Variants in GRID2 observed in about 807,000 individuals in gnomAD.
GRID2 encodes the protein glutamate receptor ionotropic, delta-2.
Under a neutral mutation model 114.8 loss-of-function variants are expected in GRID2, and 33 were observed. The ratio of observed to expected loss-of-function variants is 0.29; its 90% CI spans 0.22 to 0.38. The LOEUF (loss-of-function observed/expected upper bound fraction) is 0.38, where lower values mean the gene tolerates loss of function less well. GRID2 is among the 10% of genes least tolerant of loss of function. The pLI is 1.00. For synonymous variants in GRID2, 505 were observed against 449.9 expected, an observed-to-expected ratio of 1.12 and a Z score of -1.55; for missense variants, 1,184 against 1,257.7, an observed-to-expected ratio of 0.94 and a Z score of 0.89.
intron 2 of GRID2, among the ~76,000 whole-genome samples, chr4:92,704,884 C>T (rs1734884030): frequency 6.6e-6 from 1 of 151,132 alleles, no homozygotes; most frequent in Non-Finnish European, 1.5e-5. Context: ...TGACAAGTGG[C>T]TATTAGATTC....
In GRID2 at chr4:92,871,461, A is replaced by G. The variant is rs140036946; in HGVS notation, c.245-213534A>G. On this transcript the variant is annotated intron_variant, in intron 2 of 15. Transcript: ENST00000282020. ...TGATGCAATTATTATTCTATTAAAT[A>G]CAGTTGAGTTAATTGATTACAATTT... 4.9e-4 allele frequency among the ~76,000 whole-genome samples: 74 copies of G among 152,294 alleles called. 2 individuals carry two copies. The East Asian group carries it at 8.3e-3, about 17-fold the overall frequency.
chr4:93,594,396 A>G (rs558786318), intron 13 of GRID2, among the ~76,000 whole-genome samples: 3 of 152,304 alleles, frequency 2.0e-5, no homozygotes, highest in Non-Finnish European at 4.4e-5. Flanking sequence ...CCACTTGAGG[A>G]GGCAGTCCGC....
At chr4:92,660,409 G>C (rs779211911) in intron 2 of GRID2, among the ~76,000 whole-genome samples, 2 of 151,214 alleles carry the variant, frequency 1.3e-5, no homozygotes, top group Admixed American at 6.6e-5. Context: ...ACTAAGAGAA[G>C]GTTCAAGTTT....
intron 1 of GRID2, among the ~76,000 whole-genome samples, chr4:92,483,839 G>A (rs1477081340): frequency 6.6e-6 from 1 of 152,152 alleles, no homozygotes; most frequent in African/African-American, 2.4e-5. Context: ...GTAGCAGAAT[G>A]CCCCTGTTGG....
intron 10 of GRID2, among the ~76,000 whole-genome samples, chr4:93,440,664 T>C (rs1340093057): frequency 2.0e-5 from 3 of 152,120 alleles, no homozygotes; most frequent in Admixed American, 6.6e-5. Context: ...AAATATTTGT[T>C]GTTGATAAGG....
At chr4:92,960,329 G>C (rs1221745907) in intron 2 of GRID2, among the ~76,000 whole-genome samples, 1 of 151,978 alleles carries the variant, frequency 6.6e-6, no homozygotes, top group African/African-American at 2.4e-5. Flanking sequence ...TTTCCTGCCT[G>C]TTGGACCTGT....
At chr4:92,871,143 C>G (rs1471023385) in intron 2 of GRID2, among the ~76,000 whole-genome samples, 1 of 152,048 alleles carries the variant, frequency 6.6e-6, no homozygotes, top group Non-Finnish European at 1.5e-5. Flanking sequence ...AACAAAAAGT[C>G]TTCTCTCCTG....
chr4:93,377,074 G>C (rs1034754654), intron 8 of GRID2, among the ~76,000 whole-genome samples: 1 of 152,090 alleles, frequency 6.6e-6, no homozygotes, highest in Non-Finnish European at 1.5e-5. Context: ...ATATATACCA[G>C]AATAGAAATA....
intron 1 of GRID2, among the ~76,000 whole-genome samples, chr4:92,455,848 A>C (rs1276443277): frequency 1.3e-5 from 2 of 152,216 alleles, no homozygotes; most frequent in Admixed American, 6.5e-5. Flanking sequence ...AGTAAATTGT[A>C]TGATCTTATT....
At chr4:93,045,539 T>A (rs902890271) in intron 2 of GRID2, among the ~76,000 whole-genome samples, 2 of 152,166 alleles carry the variant, frequency 1.3e-5, no homozygotes, top group African/African-American at 4.8e-5. Context: ...GAAAGAAATA[T>A]TGCCATGAAA....
chr4:92,956,890 T>C (rs536536489), intron 2 of GRID2, among the ~76,000 whole-genome samples: 2 of 152,310 alleles, frequency 1.3e-5, no homozygotes, highest in East Asian at 3.9e-4. Context: ...TTAATTTTAA[T>C]TTGCATTTCC....
At chr4:92,744,126 G>C (rs1055296705) in intron 2 of GRID2, among the ~76,000 whole-genome samples, 29 of 152,174 alleles carry the variant, frequency 1.9e-4, no homozygotes, top group Non-Finnish European at 4.3e-4. Flanking sequence ...TGTTTACCCT[G>C]TGTATTTCCA....
At chr4:92,478,187 G>A (rs964130194) in intron 1 of GRID2, among the ~76,000 whole-genome samples, 4 of 151,454 alleles carry the variant, frequency 2.6e-5, no homozygotes, top group East Asian at 1.9e-4. Flanking sequence ...TTTTCCTCTA[G>A]TGCTCTCCCT....
At chr4:92,913,804 A>T (rs1748571370) in intron 2 of GRID2, among the ~76,000 whole-genome samples, 2 of 151,848 alleles carry the variant, frequency 1.3e-5, no homozygotes, top group Admixed American at 1.3e-4. Flanking sequence ...AGTATACCAG[A>T]GACAATAAAT....
In GRID2 at chr4:92,940,661, T is replaced by A. The variant is rs1751044575; in HGVS notation, c.245-144334T>A. Among the ~76,000 whole-genome samples, 3 of 152,254 alleles carry A rather than the reference T, an allele frequency of 2.0e-5. No homozygotes were observed. In the South Asian group the frequency reaches 6.2e-4, roughly 32 times the overall value. ...GTCTTGTGCCAGTTTTCAAAGGGAA[T>A]GCTTCCAGGTTTTGCCCATTCAGTA... On this transcript the variant is annotated intron_variant, in intron 2 of 15. Transcript: ENST00000282020.
At chr4:92,658,789 GTGTGTA>G (rs1298741177) in intron 2 of GRID2, among the ~76,000 whole-genome samples, 10 of 51,472 alleles carry the variant, frequency 1.9e-4, no homozygotes, top group African/African-American at 9.2e-4. Context: ...ATGTGTGTGT[GTGTGTA>G]TATATATATA....
chr4:93,771,964 A>G lies in GRID2; in HGVS notation c.2602-112A>G, dbSNP rs558439529. The G allele has an allele frequency of 1.0e-4, 68 of 664,612 alleles. No individual in the cohort carries two copies. The Middle Eastern group carries it at 1.6e-3, about 15-fold the overall frequency. 41.2% of individuals were successfully genotyped at this position (664,612 alleles called of 1,614,324 possible). On this transcript the variant is annotated intron_variant, in intron 15 of 15. Transcript: ENST00000282020. ...TAGGTGCTCAATAAATATTTGTTAA[A>G]TGAATAAACCCCAAAGTTCAGTTAA... is the stretch of plus-strand genomic sequence containing the variant.
chr4:93,623,096 T>C (rs1742362001), intron 13 of GRID2, among the ~76,000 whole-genome samples: 1 of 152,206 alleles, frequency 6.6e-6, no homozygotes, highest in African/African-American at 2.4e-5. Context: ...ATTTATCGAC[T>C]TTCTAATACA....
At chr4:93,670,519 A>T (rs1724318494) in intron 14 of GRID2, among the ~76,000 whole-genome samples, 1 of 152,192 alleles carries the variant, frequency 6.6e-6, no homozygotes, top group South Asian at 2.1e-4. Flanking sequence ...ATATACCTAC[A>T]TCAATGATTT....
Sources: gnomAD v4.1 joint callset for allele counts (sites outside exome capture counted in the v4.1 genomes callset) on GRCh38, gnomAD v4.1.1 for gene constraint, MANE v1.5 for transcripts, NCBI Gene and HGNC (gene_info 2026-07-23, HGNC 2026-07-21) for gene names.